Variants in ABCD3 observed in about 807,000 individuals in gnomAD.
The protein encoded by ABCD3 is ATP-binding cassette sub-family D member 3.
Under a neutral mutation model 105.5 loss-of-function variants are expected in ABCD3, and 41 were observed. The observed-to-expected ratio is 0.39, with a 90% CI of 0.30 to 0.50. The LOEUF (loss-of-function observed/expected upper bound fraction) is 0.50. Ranked by LOEUF, ABCD3 falls within the 20% of genes least tolerant of loss-of-function variation. ABCD3 has a pLI of 0.84. For synonymous variants in ABCD3, 258 were observed against 269.0 expected, an observed-to-expected ratio of 0.96 and a Z score of 0.40; for missense variants, 622 against 806.3, an observed-to-expected ratio of 0.77 and a Z score of 2.77.
At chr1:94,483,325 A>G in intron 10 of ABCD3, 86 bp downstream of exon 10, 1 of 899,032 alleles carries the variant, frequency 1.1e-6, no homozygotes, top group Non-Finnish European at 1.9e-6. Flanking sequence ...ACACATACAC[A>G]CACACACAAA....
rs1570852182 is a variant in ABCD3 at position 94,518,533 on chromosome 1, C to T, written c.*1404C>T. 6.6e-6 allele frequency: 1 copy of T among 150,486 alleles called. No individual in the cohort carries two copies. The highest frequency in any genetic ancestry group is 2.4e-5 in the African/African-American group (1 of 40,918). The allele number at this position is 150,486 out of a possible 1,614,324, so 9.3% of individuals were successfully genotyped here. A position where few individuals can be genotyped will look rare whatever the true frequency, so the allele number is the denominator to read the frequency against. ...AAAAAAACTCAGATATCCTATACAA[C>T]CTTTGCTTGTTCTTTTTATTCTGGT... On this transcript the variant is annotated 3_prime_UTR_variant, in exon 23 of 23. Coordinates refer to ENST00000370214, the MANE Select transcript of ABCD3 (RefSeq NM_002858.4).
At chr1:94,460,058 A>T (rs916945413) in intron 2 of ABCD3, among the ~76,000 whole-genome samples, 1 of 152,182 alleles carries the variant, frequency 6.6e-6, no homozygotes, top group Non-Finnish European at 1.5e-5. Context: ...AATAATAACA[A>T]TGCTGCTATG....
intron 5 of ABCD3, among the ~76,000 whole-genome samples, chr1:94,474,462 T>C (rs1468536044): frequency 6.6e-6 from 1 of 152,160 alleles, no homozygotes; most frequent in African/African-American, 2.4e-5. Context: ...TCTGAATTTG[T>C]GGGTAAAAAT....
At chr1:94,456,290 T>C (rs1647560009) in intron 1 of ABCD3, among the ~76,000 whole-genome samples, 1 of 71,050 alleles carries the variant, frequency 1.4e-5, no homozygotes, top group African/African-American at 5.0e-5. Flanking sequence ...TTTTTTTTTT[T>C]TGGAGACGGA....
chr1:94,449,640 C>T (rs970811462), intron 1 of ABCD3, among the ~76,000 whole-genome samples: 19 of 152,178 alleles, frequency 1.2e-4, no homozygotes, highest in African/African-American at 2.9e-4. Flanking sequence ...AAAAAGTGAA[C>T]GTACTTGTTT....
At chr1:94,474,201 C>T (rs1307550520) in intron 5 of ABCD3, among the ~76,000 whole-genome samples, 2 of 135,668 alleles carry the variant, frequency 1.5e-5, no homozygotes, top group African/African-American at 5.7e-5. Flanking sequence ...GAAATGATTC[C>T]AGTCATTGCA....
chr1:94,423,551 C>T (rs1485549950), intron 1 of ABCD3, among the ~76,000 whole-genome samples: 1 of 152,152 alleles, frequency 6.6e-6, no homozygotes, highest in African/African-American at 2.4e-5. Flanking sequence ...GTCTCTTTGG[C>T]GTCTGCCTTG....
chr1:94,385,185 G>A, the ABCD3 span, among the ~76,000 whole-genome samples: 1 of 152,176 alleles, frequency 6.6e-6, no homozygotes, highest in South Asian at 2.1e-4. Flanking sequence ...TTCCCAGAGT[G>A]AAGAATGGGG....
chr1:94,388,859 A>G, the ABCD3 span, among the ~76,000 whole-genome samples: 2 of 152,324 alleles, frequency 1.3e-5, no homozygotes, highest in Middle Eastern at 3.4e-3. Flanking sequence ...ATGATGCATT[A>G]TTGATTTGGC....
the ABCD3 span, among the ~76,000 whole-genome samples, chr1:94,388,566 C>T: frequency 3.3e-5 from 5 of 152,190 alleles, no homozygotes; most frequent in Non-Finnish European, 5.9e-5. Flanking sequence ...CCCTACTTGC[C>T]CCATCTTGTG....
At chr1:94,498,538 G>C (rs1169120479) in intron 16 of ABCD3, 64 bp from the exon 17 acceptor site, 27 of 1,522,864 alleles carry the variant, frequency 1.8e-5, no homozygotes, top group Non-Finnish European at 2.4e-5. Context: ...CTAAGGAAAT[G>C]TTGATTAAGT....
intron 8 of ABCD3, chr1:94,478,650 A>T: frequency 1.0e-6 from 1 of 1,001,810 alleles, no homozygotes; most frequent in South Asian, 1.9e-5. Context: ...CAGGAGTTCG[A>T]GACAAGCCTG....
At chr1:94,505,672 T>G (rs1570833843) in intron 20 of ABCD3, among the ~76,000 whole-genome samples, 1 of 152,084 alleles carries the variant, frequency 6.6e-6, no homozygotes, top group Non-Finnish European at 1.5e-5. Context: ...CCTAAGGAGC[T>G]CCTGTATTTA....
intron 8 of ABCD3, 199 bp downstream of exon 8, chr1:94,478,514 C>G: frequency 6.4e-7 from 1 of 1,569,128 alleles, no homozygotes; most frequent in Non-Finnish European, 8.7e-7. Context: ...TTTAATTTTC[C>G]TTAAATTAGG....
chr1:94,489,966 A>T lies in ABCD3; in HGVS notation c.1313A>T (p.Asn438Ile). 6.2e-7 allele frequency: 1 copy of T among 1,612,946 alleles called. No individual in the cohort carries two copies. Among genetic ancestry groups the T allele is most frequent in the Non-Finnish European group, 8.5e-7 (1 of 1,179,112 alleles). The stretch of plus-strand genomic sequence containing the variant: ...GCTGGAGAAATCATTATTGCAGATA[A>T]CATTATAAAGTACGTACAGAAAAAG... Reference protein sequence around the residue: ...PGAGEIIIADNIIKFDHVPLA... With the variant: ...PGAGEIIIADIIIKFDHVPLA... Residue 438 changes from asparagine to isoleucine, a missense_variant, in exon 15 of 23, where the codon AAC (asparagine) becomes ATC (isoleucine). Coordinates refer to ENST00000370214, the MANE Select transcript of ABCD3 (RefSeq NM_002858.4).
intron 7 of ABCD3, among the ~76,000 whole-genome samples, chr1:94,477,539 G>A (rs1465867626): frequency 6.6e-6 from 1 of 151,746 alleles, no homozygotes; most frequent in African/African-American, 2.4e-5. Context: ...AGTGAGCCAA[G>A]ATCTCCAGCC....
chr1:94,453,865 G>T (rs1369592905), intron 1 of ABCD3, among the ~76,000 whole-genome samples: 3 of 149,950 alleles, frequency 2.0e-5, no homozygotes, highest in African/African-American at 7.3e-5. Context: ...ATTAGATTCT[G>T]CTTGGGTGGT....
chr1:94,405,662 C>T, the ABCD3 span, among the ~76,000 whole-genome samples: 1 of 152,118 alleles, frequency 6.6e-6, no homozygotes, highest in Non-Finnish European at 1.5e-5. Flanking sequence ...TATAGTTTAT[C>T]TTGCATTTCT....
At chr1:94,453,646 C>A (rs991188882) in intron 1 of ABCD3, among the ~76,000 whole-genome samples, 2 of 151,864 alleles carry the variant, frequency 1.3e-5, no homozygotes, top group Admixed American at 1.3e-4. Context: ...AGAAAATTAA[C>A]CATTTCATTC....
Sources: allele counts gnomAD v4.1 joint callset (sites outside exome capture counted in the v4.1 genomes callset), GRCh38; gene constraint gnomAD v4.1.1; transcripts MANE v1.5; gene names NCBI Gene and HGNC (gene_info 2026-07-23, HGNC 2026-07-21).